Variants in KCNG3 observed in about 807,000 individuals in gnomAD.
The protein encoded by KCNG3 is potassium voltage-gated channel modifier subfamily G member 3, also known as voltage-gated potassium channel regulatory subunit KCNG3.
In KCNG3, 15 loss-of-function variants were observed where a neutral mutation model predicts 29.0. That is an observed-to-expected ratio of 0.52 (90% confidence interval 0.35 to 0.80). The LOEUF is 0.80. Among genes scored for constraint, KCNG3 ranks in the 30% least tolerant of loss-of-function variants. The probability of loss-of-function intolerance (pLI) is 0.01; values close to 1 mark genes in which losing one functional copy is unlikely to be tolerated. For synonymous variants in KCNG3, 322 were observed against 248.9 expected, an observed-to-expected ratio of 1.29 and a Z score of -2.76; for missense variants, 512 against 605.7, an observed-to-expected ratio of 0.85 and a Z score of 1.62.
At chr2:42,420,629 A>C in the KCNG3 span, among the ~76,000 whole-genome samples, 5 of 152,180 alleles carry the variant, frequency 3.3e-5, no homozygotes, top group Admixed American at 1.3e-4. Context: ...ATCTCTACTA[A>C]AAATACATAA....
intron 1 of KCNG3, among the ~76,000 whole-genome samples, chr2:42,474,148 C>A (rs1673362860): frequency 6.6e-6 from 1 of 151,490 alleles, no homozygotes; most frequent in Non-Finnish European, 1.5e-5. Context: ...CTTGGTGATG[C>A]TATTTTGACT....
At chr2:42,427,585 T>C in the KCNG3 span, among the ~76,000 whole-genome samples, 2 of 150,806 alleles carry the variant, frequency 1.3e-5, no homozygotes, top group Non-Finnish European at 2.9e-5. Flanking sequence ...AAGCCTGGCA[T>C]CAGAGTGAGA....
At chr2:42,395,417 TG>T in the KCNG3 span, among the ~76,000 whole-genome samples, 2 of 152,138 alleles carry the variant, frequency 1.3e-5, no homozygotes, top group Non-Finnish European at 2.9e-5. Flanking sequence ...AAGAAGGAGT[TG>T]GGGCCAGGCG....
At chr2:42,453,565 TTCCTATAGAGTTGTTTGAGC>T (rs1394859400) in intron 1 of KCNG3, among the ~76,000 whole-genome samples, 1 of 152,236 alleles carries the variant, frequency 6.6e-6, no homozygotes, top group African/African-American at 2.4e-5. Flanking sequence ...TAGATTTTTT[TTCCTATAGAGTTGTTTGAGC>T]TCCTTATACA....
rs184646060 is a variant in KCNG3 at position 42,472,955 on chromosome 2, G to C, written c.665+19882C>G. 8.6e-3 allele frequency among the ~76,000 whole-genome samples: 1,235 copies of C among 143,876 alleles called. 14 individuals are homozygous for C. The highest frequency in any genetic ancestry group is 0.026 in the African/African-American group (985 of 38,620). 94.4% of individuals were successfully genotyped at this position (143,876 alleles called of 152,430 possible). ...CTCGCTCTGTTGCCCAGGCTGGAGT[G>C]CAGTGGCGCAATCTCGGCTCACTGC... On this transcript the variant is annotated intron_variant, in intron 1 of 1. Transcript: ENST00000306078.
chr2:42,401,226 CAT>C, the KCNG3 span, among the ~76,000 whole-genome samples: 2 of 148,302 alleles, frequency 1.3e-5, no homozygotes, highest in Non-Finnish European at 3.0e-5. Context: ...AATATATACA[CAT>C]ATGAAAATAC....
chr2:42,407,177 C>T, the KCNG3 span, among the ~76,000 whole-genome samples: 4 of 133,146 alleles, frequency 3.0e-5, no homozygotes, highest in African/African-American at 8.3e-5. Context: ...TCTGCTTGAT[C>T]TTTTTTTTTT....
intron 1 of KCNG3, among the ~76,000 whole-genome samples, chr2:42,491,782 T>C (rs1673882621): frequency 6.6e-6 from 1 of 152,210 alleles, no homozygotes; most frequent in African/African-American, 2.4e-5. Flanking sequence ...AGTAATCCAC[T>C]GCAATAGCAA....
intron 1 of KCNG3, among the ~76,000 whole-genome samples, chr2:42,474,663 T>C (rs926511098): frequency 6.6e-5 from 10 of 152,242 alleles, no homozygotes; most frequent in Non-Finnish European, 1.3e-4. Context: ...TCTCATATAT[T>C]TCTATTCTGC....
chr2:42,425,890 GAAGT>G, the KCNG3 span, among the ~76,000 whole-genome samples: 1 of 152,176 alleles, frequency 6.6e-6, no homozygotes, highest in Non-Finnish European at 1.5e-5. Flanking sequence ...GAACAAAAGG[GAAGT>G]AAGTCCACTA....
chr2:42,445,629 G>C (rs1213687967), intron 1 of KCNG3, among the ~76,000 whole-genome samples: 1 of 152,152 alleles, frequency 6.6e-6, no homozygotes, highest in African/African-American at 2.4e-5. Context: ...ATTTTTAAAA[G>C]ACCACATTTT....
chr2:42,459,602 T>A (rs1455993942), intron 1 of KCNG3, among the ~76,000 whole-genome samples: 1 of 152,200 alleles, frequency 6.6e-6, no homozygotes, highest in Non-Finnish European at 1.5e-5. Context: ...CATGAGTGAC[T>A]GCCTAATGTA....
intron 1 of KCNG3, among the ~76,000 whole-genome samples, chr2:42,489,431 A>T (rs1157652063): frequency 1.3e-5 from 2 of 152,192 alleles, no homozygotes; most frequent in Non-Finnish European, 2.9e-5. Context: ...TTTTAATAAC[A>T]AATAGTATAA....
chr2:42,405,809 T>C, the KCNG3 span, among the ~76,000 whole-genome samples: 5 of 152,180 alleles, frequency 3.3e-5, no homozygotes, highest in African/African-American at 4.8e-5. Flanking sequence ...CGTTTCACCA[T>C]GTTAGCCAGG....
At chr2:42,421,037 A>C in the KCNG3 span, among the ~76,000 whole-genome samples, 2 of 152,360 alleles carry the variant, frequency 1.3e-5, no homozygotes, top group South Asian at 4.1e-4. Flanking sequence ...ACGCTACCAC[A>C]CAAAAATGAC....
At chr2:42,465,063 A>G (rs1393584541) in intron 1 of KCNG3, among the ~76,000 whole-genome samples, 1 of 152,230 alleles carries the variant, frequency 6.6e-6, no homozygotes, top group African/African-American at 2.4e-5. Context: ...ACAAAATGAT[A>G]TATTTGGTGT....
intron 1 of KCNG3, among the ~76,000 whole-genome samples, chr2:42,448,701 C>T (rs533210967): frequency 1.1e-3 from 160 of 152,204 alleles, no homozygotes; most frequent in African/African-American, 3.6e-3. Context: ...AAGTAAAACA[C>T]GCTTATGGCC....
At chr2:42,450,273 G>T (rs1226108435) in intron 1 of KCNG3, among the ~76,000 whole-genome samples, 1 of 152,122 alleles carries the variant, frequency 6.6e-6, no homozygotes, top group African/African-American at 2.4e-5. Context: ...CCACACCTTA[G>T]GTCAGATGCA....
chr2:42,491,731 T>C (rs979186228), intron 1 of KCNG3, among the ~76,000 whole-genome samples: 1 of 152,226 alleles, frequency 6.6e-6, no homozygotes, highest in African/African-American at 2.4e-5. Flanking sequence ...CTTAGATTTA[T>C]ATAAAAATCC....
Sources: allele counts gnomAD v4.1 joint callset (sites outside exome capture counted in the v4.1 genomes callset), GRCh38; gene constraint gnomAD v4.1.1; transcripts MANE v1.5; gene names NCBI Gene and HGNC (gene_info 2026-07-23, HGNC 2026-07-21).